TDP2: variants seen among roughly 807,000 people sequenced by gnomAD.
TDP2 encodes 5'-Tyr-DNA phosphodiesterase.
TDP2 carries 38 observed loss-of-function variants against 42.8 expected under a neutral mutation model. The observed-to-expected ratio is 0.89, with a 90% CI of 0.68 to 1.16. The LOEUF (loss-of-function observed/expected upper bound fraction) is 1.16, where lower values mean the gene tolerates loss of function less well. TDP2 is among the 50% of genes most tolerant of loss of function. The pLI is 0.00. For missense variants in TDP2, 439 were observed against 439.3 expected, an observed-to-expected ratio of 1.00 and a Z score of 0.01; for synonymous variants, 173 against 150.6, an observed-to-expected ratio of 1.15 and a Z score of -1.09.
At position 24,661,643 on chromosome 6, in the gene TDP2, G is replaced by A. The variant is rs186947688; in HGVS notation, c.252-2909C>T. On this transcript the variant is annotated intron_variant, in intron 2 of 6. Coordinates refer to ENST00000378198, the MANE Select transcript of TDP2 (RefSeq NM_016614.3). ...TTTAAAGGCCATGATCTGGGTGCTA[G>A]ATGAACTTAATGTCAATTTTGTAGC... Among the ~76,000 whole-genome samples the A allele has an allele frequency of 6.6e-5, 10 of 152,276 alleles. No homozygotes were observed. In the East Asian group the frequency reaches 1.9e-3, roughly 29 times the overall value.
intron 6 of TDP2, among the ~76,000 whole-genome samples, chr6:24,651,547 A>C (rs1020486028): frequency 6.6e-6 from 1 of 152,114 alleles, no homozygotes; most frequent in Non-Finnish European, 1.5e-5. Flanking sequence ...ATTTAAAAAA[A>C]TTGTTTGCGG....
chr6:24,657,684 G>A, intron 4 of TDP2, 128 bp downstream of exon 4: 1 of 441,188 alleles, frequency 2.3e-6, no homozygotes, highest in South Asian at 3.4e-5. Context: ...TCTGTGTCTT[G>A]CTTATTTTTC....
chr6:24,666,297 T>G, intron 2 of TDP2: 1 of 1,533,308 alleles, frequency 6.5e-7, no homozygotes, highest in Non-Finnish European at 8.8e-7. Context: ...TTTTCCTCCC[T>G]GGACCCCAAA....
chr6:24,662,620 C>T (rs556298784), intron 2 of TDP2, among the ~76,000 whole-genome samples: 1 of 151,898 alleles, frequency 6.6e-6, no homozygotes, highest in African/African-American at 2.4e-5. Context: ...TCAATAAATA[C>T]TGAGGGAACT....
At chr6:24,666,215 C>T (rs1229369130) in intron 2 of TDP2, 22 of 1,548,334 alleles carry the variant, frequency 1.4e-5, no homozygotes, top group South Asian at 2.4e-5. Flanking sequence ...GAAGGTTTAG[C>T]CTTCGTTCAT....
rs1460830651 is a variant in TDP2 at position 24,657,883 on chromosome 6, A to G, written c.446T>C (p.Phe149Ser). ...ATATGGGGGAATAACTTCCTGTAGA[A>G]ATATCACATCTGGGCTGTACCTAAT... ...YLALYSPDVI[F>S]LQEVIPPYYS... The change falls in exon 4 of 7, where the codon TTT (phenylalanine) becomes TCT (serine). Residue 149 changes from phenylalanine (F) to serine (S), a missense_variant. Physicochemically the swap from Phe to Ser is radical, Grantham distance 155. Transcript: ENST00000378198. 6.9e-6 allele frequency: 11 copies of G among 1,583,090 alleles called. No individual in the cohort carries two copies. The highest frequency in any genetic ancestry group is 8.6e-6 in the Non-Finnish European group (10 of 1,162,384).
intron 2 of TDP2, among the ~76,000 whole-genome samples, chr6:24,659,731 T>C (rs1778112460): frequency 6.6e-6 from 1 of 152,218 alleles, no homozygotes; most frequent in East Asian, 1.9e-4. Flanking sequence ...CCCCTTTGAA[T>C]GATGAAACCT....
intron 4 of TDP2, 116 bp from the exon 5 acceptor site, chr6:24,654,646 A>C: frequency 6.4e-6 from 4 of 622,514 alleles, no homozygotes; most frequent in South Asian, 5.6e-5. Context: ...ATTTACATGG[A>C]TCTAAATCTT....
rs375948102 is a variant in TDP2, at chr6:24,653,086, G to A, written c.704C>T (p.Ala235Val). The change falls in exon 6 of 7, where the codon GCG becomes GTG. Residue 235 changes from alanine (A) to valine (V), a missense_variant. Coordinates refer to ENST00000378198, the MANE Select transcript of TDP2 (RefSeq NM_016614.3). ...CATTTTTAACTGATTCATTCGTTCC[G>A]CAGCATGCCCTCTGGTGCTCTCCAA... The part of the protein sequence containing the change: ...SHLESTRGHA[A>V]ERMNQLKMVL... 3.2e-5 allele frequency: 52 copies of A among 1,613,838 alleles called. No homozygotes were observed. In the East Asian group the frequency reaches 5.3e-4, roughly 17 times the overall value.
Position 24,650,171 on chromosome 6 carries a change from A to G in TDP2, c.*617T>C, listed in dbSNP as rs1777947804. 6.6e-6 allele frequency: 1 copy of G among 152,268 alleles called. No homozygotes were observed. Among genetic ancestry groups the G allele is most frequent in the Admixed American group, 6.5e-5 (1 of 15,284 alleles). 9.4% of individuals were successfully genotyped at this position (152,268 alleles called of 1,614,324 possible). A position where few individuals can be genotyped will look rare whatever the true frequency, so the allele number is the denominator to read the frequency against. On this transcript the variant is annotated 3_prime_UTR_variant, in exon 7 of 7. Coordinates refer to ENST00000378198, the MANE Select transcript of TDP2 (RefSeq NM_016614.3). ...CCATGGTGCTATCAAACCGATTTTA[A>G]CCATCATCAAGCTTAACTTTGCCTC...
intron 2 of TDP2, among the ~76,000 whole-genome samples, chr6:24,664,015 G>A (rs1269062122): frequency 1.3e-5 from 2 of 152,198 alleles, no homozygotes; most frequent in African/African-American, 4.8e-5. Context: ...GGAACAGAAA[G>A]GGACTGGCAA....
At chr6:24,653,203 G>A (rs1355559483) in intron 5 of TDP2, 50 bp from the exon 6 acceptor site, 2 of 1,545,028 alleles carry the variant, frequency 1.3e-6, no homozygotes, top group Non-Finnish European at 1.8e-6. Flanking sequence ...TATTAATACT[G>A]AACTTTAATA....
chr6:24,662,378 G>C (rs1470035461), intron 2 of TDP2, among the ~76,000 whole-genome samples: 1 of 152,122 alleles, frequency 6.6e-6, no homozygotes, highest in South Asian at 2.1e-4. Context: ...ACTTGGATGG[G>C]AGAAAACCGC....
In TDP2 at chr6:24,665,526, T is replaced by C. The variant is rs555261473; in HGVS notation, c.251+1000A>G. On this transcript the variant is annotated intron_variant, in intron 2 of 6. Transcript: ENST00000378198. ...ACCAAAGGGAAAATAAAGTCTCCAC[T>C]ATGAACAGTCAATTTTACAGGTTGT... Among the ~76,000 whole-genome samples, 4 of 152,352 alleles carry C rather than the reference T, an allele frequency of 2.6e-5. No individual in the cohort carries two copies. The South Asian group carries it at 8.3e-4, about 32-fold the overall frequency.
At chr6:24,659,942 T>TG (rs1778115599) in intron 2 of TDP2, among the ~76,000 whole-genome samples, 1 of 152,218 alleles carries the variant, frequency 6.6e-6, no homozygotes, top group South Asian at 2.1e-4. Context: ...GACATATGTA[T>TG]GTGTTCCAGT....
chr6:24,661,810 C>A (rs529967938), intron 2 of TDP2, among the ~76,000 whole-genome samples: 1 of 93,680 alleles, frequency 1.1e-5, no homozygotes, highest in Non-Finnish European at 2.0e-5. Context: ...TTTTTTTCAA[C>A]GTCTTACTGT....
chr6:24,666,490 C>G (rs1172196858), intron 2 of TDP2, 36 bp downstream of exon 2: 8 of 1,603,374 alleles, frequency 5.0e-6, no homozygotes, highest in Middle Eastern at 1.7e-4. Flanking sequence ...CAAACTGCCT[C>G]CGTGCGGACT....
intron 6 of TDP2, 52 bp from the exon 7 acceptor site, chr6:24,651,121 A>G: frequency 7.8e-7 from 1 of 1,277,554 alleles, no homozygotes; most frequent in Middle Eastern, 2.3e-4. Context: ...TTGCCCACTA[A>G]CTTAAAAAAA....
At chr6:24,655,672 A>G (rs914182385) in intron 4 of TDP2, among the ~76,000 whole-genome samples, 2 of 152,184 alleles carry the variant, frequency 1.3e-5, no homozygotes, top group Non-Finnish European at 2.9e-5. Flanking sequence ...TGATAGGTGA[A>G]TAGGTTGAAC....
Sources: allele counts gnomAD v4.1 joint callset (sites outside exome capture counted in the v4.1 genomes callset), GRCh38; gene constraint gnomAD v4.1.1; transcripts MANE v1.5; gene names NCBI Gene and HGNC (gene_info 2026-07-23, HGNC 2026-07-21).